Variants in RORA observed in about 807,000 individuals in gnomAD.
RORA encodes nuclear receptor ROR-alpha.
A neutral mutation model predicts 69.5 loss-of-function variants in RORA; 7 were observed. That is an observed-to-expected ratio of 0.10 (90% CI 0.06 to 0.19). RORA has a LOEUF of 0.19. RORA is among the 10% of genes least tolerant of loss of function. The pLI is 1.00. For synonymous variants in RORA, 261 were observed against 240.8 expected, an observed-to-expected ratio of 1.08 and a Z score of -0.78; for missense variants, 457 against 663.0, an observed-to-expected ratio of 0.69 and a Z score of 3.41.
At chr15:60,603,359 G>C (rs1040489355) in intron 2 of RORA, among the ~76,000 whole-genome samples, 15 of 152,296 alleles carry the variant, frequency 9.8e-5, no homozygotes, top group African/African-American at 3.6e-4. Flanking sequence ...CAGAGTAGCT[G>C]TGCCATTTTG....
chr15:60,772,623 C>T (rs567921142), intron 1 of RORA, among the ~76,000 whole-genome samples: 4 of 152,296 alleles, frequency 2.6e-5, no homozygotes, highest in East Asian at 1.9e-4. Flanking sequence ...TAAAGCAAGA[C>T]GTCTACTGTA....
chr15:60,731,760 C>A (rs1188547271), intron 1 of RORA, among the ~76,000 whole-genome samples: 2 of 152,168 alleles, frequency 1.3e-5, no homozygotes, highest in Non-Finnish European at 2.9e-5. Context: ...GCTGTTAGTG[C>A]CCAAAATGAA....
chr15:60,536,838 A>C (rs1466811112), intron 2 of RORA, among the ~76,000 whole-genome samples: 2 of 152,206 alleles, frequency 1.3e-5, no homozygotes, highest in African/African-American at 4.8e-5. Context: ...TGCTTTAAAA[A>C]GCCTATCTAT....
chr15:60,715,742 G>A (rs949324206), intron 1 of RORA, among the ~76,000 whole-genome samples: 1 of 152,100 alleles, frequency 6.6e-6, no homozygotes, highest in Non-Finnish European at 1.5e-5. Flanking sequence ...AGTTGTGTTT[G>A]TGTAAATGTA....
At chr15:61,104,636 C>T (rs917767082) in intron 1 of RORA, among the ~76,000 whole-genome samples, 1 of 152,154 alleles carries the variant, frequency 6.6e-6, no homozygotes, top group African/African-American at 2.4e-5. Context: ...GCCCACTCTC[C>T]CCCACTCTCT....
At chr15:61,109,057 G>A (rs879367388) in intron 1 of RORA, among the ~76,000 whole-genome samples, 3 of 152,134 alleles carry the variant, frequency 2.0e-5, no homozygotes, top group Admixed American at 1.3e-4. Context: ...TTAACTGGGT[G>A]TGGTGGTGCA....
intron 1 of RORA, among the ~76,000 whole-genome samples, chr15:60,712,079 G>C (rs2071151568): frequency 6.6e-6 from 1 of 152,058 alleles, no homozygotes; most frequent in African/African-American, 2.4e-5. Context: ...ATGAATATTA[G>C]AAATCTTAGC....
At chr15:60,766,848 A>G (rs1349631282) in intron 1 of RORA, among the ~76,000 whole-genome samples, 1 of 152,048 alleles carries the variant, frequency 6.6e-6, no homozygotes, top group African/African-American at 2.4e-5. Context: ...CGATGTCTGT[A>G]TGTGGCTAAA....
intron 1 of RORA, among the ~76,000 whole-genome samples, chr15:61,197,903 T>A (rs1032584785): frequency 4.5e-4 from 69 of 151,804 alleles, no homozygotes; most frequent in African/African-American, 1.5e-3. Context: ...TCCCAGGGGG[T>A]TCAAGGGAGG....
intron 1 of RORA, among the ~76,000 whole-genome samples, chr15:61,044,678 T>C (rs190726669): frequency 1.4e-3 from 220 of 152,346 alleles, no homozygotes; most frequent in Non-Finnish European, 2.7e-3. Context: ...GCTTATCATA[T>C]ATACGCTATA....
chr15:60,914,262 G>C (rs7162937), intron 1 of RORA, among the ~76,000 whole-genome samples: 78,261 of 152,052 alleles, frequency 0.51, 21,476 homozygotes, highest in Middle Eastern at 0.63. Context: ...GACTGCGAGA[G>C]AAAGGGTGGG....
chr15:60,588,224 G>A (rs867447641), intron 2 of RORA, among the ~76,000 whole-genome samples: 3 of 152,138 alleles, frequency 2.0e-5, no homozygotes, highest in South Asian at 2.1e-4. Context: ...TGCTGACTCT[G>A]AGTGTCTAAT....
intron 3 of RORA, among the ~76,000 whole-genome samples, chr15:60,519,743 T>G (rs2141379690): frequency 6.6e-6 from 1 of 152,330 alleles, no homozygotes; most frequent in East Asian, 1.9e-4. Flanking sequence ...ATCAGTCTCA[T>G]GAGTCCATCA....
chr15:60,821,197 C>T (rs1163548383), intron 1 of RORA, among the ~76,000 whole-genome samples: 11 of 152,166 alleles, frequency 7.2e-5, no homozygotes, highest in Admixed American at 7.2e-4. Flanking sequence ...CCAGTGCCTC[C>T]AGGTTCACTG....
rs987823688 is a variant in RORA, at chr15:60,761,500, T to C, written c.167-82814A>G. Among the ~76,000 whole-genome samples the C allele has an allele frequency of 3.9e-5, 6 of 152,198 alleles. No homozygotes were observed. The East Asian group carries it at 1.2e-3, about 29-fold the overall frequency. On this transcript the variant is annotated intron_variant, in intron 1 of 10. Transcript: ENST00000335670. ...GAAAGAGCTGGGCAACTCTCTTTTA[T>C]GATATGTTTTTTTAAAAAATTATGT...
intron 2 of RORA, among the ~76,000 whole-genome samples, chr15:60,589,660 T>C (rs1227063340): frequency 6.6e-6 from 1 of 152,204 alleles, no homozygotes; most frequent in African/African-American, 2.4e-5. Context: ...GTTACTCAAA[T>C]GAAGATTTAT....
At chr15:60,984,769 T>C (rs1894147062) in intron 1 of RORA, among the ~76,000 whole-genome samples, 2 of 150,348 alleles carry the variant, frequency 1.3e-5, no homozygotes, top group African/African-American at 4.9e-5. Flanking sequence ...TGACGTTTAA[T>C]AATAATAAGC....
intron 1 of RORA, among the ~76,000 whole-genome samples, chr15:60,977,331 T>C (rs867311405): frequency 1.3e-5 from 2 of 152,068 alleles, no homozygotes; most frequent in South Asian, 2.1e-4. Context: ...ATGTCAGTCG[T>C]CAGTTTAACA....
At chr15:61,220,747 T>C (rs1029901310) in intron 1 of RORA, among the ~76,000 whole-genome samples, 1 of 152,240 alleles carries the variant, frequency 6.6e-6, no homozygotes, top group East Asian at 1.9e-4. Context: ...CAATTGGCAT[T>C]CTCGACAAGT....
Sources: allele counts gnomAD v4.1 joint callset (sites outside exome capture counted in the v4.1 genomes callset), GRCh38; gene constraint gnomAD v4.1.1; transcripts MANE v1.5; gene names NCBI Gene and HGNC (gene_info 2026-07-23, HGNC 2026-07-21).